Variants in VPS50 observed in about 807,000 individuals in gnomAD.
The protein encoded by VPS50 is syndetin.
Under a neutral mutation model 139.7 loss-of-function variants are expected in VPS50, and 70 were observed. That is an observed-to-expected ratio of 0.50 (90% CI 0.41 to 0.61). The LOEUF (loss-of-function observed/expected upper bound fraction) is 0.61, where lower values mean the gene tolerates loss of function less well. Among genes scored for constraint, VPS50 ranks in the 20% least tolerant of loss-of-function variants. VPS50 has a pLI of 0.00. For missense variants in VPS50, 921 were observed against 1,133.7 expected (o/e 0.81, Z 2.69); for synonymous variants, 365 against 376.7 (o/e 0.97, Z 0.36).
chr7:93,290,576 T>C (rs1038743646), intron 12 of VPS50, among the ~76,000 whole-genome samples: 17 of 152,008 alleles, frequency 1.1e-4, no homozygotes, highest in Non-Finnish European at 1.9e-4. Flanking sequence ...TCAGCACCTA[T>C]TGAGATAATC....
intron 16 of VPS50, among the ~76,000 whole-genome samples, chr7:93,298,351 C>G (rs1796872816): frequency 6.6e-6 from 1 of 152,100 alleles, no homozygotes; most frequent in Non-Finnish European, 1.5e-5. Flanking sequence ...AAAACTTAAG[C>G]CCTGACTAAA....
chr7:93,241,057 CTCTT>C (rs1465805399), intron 2 of VPS50, among the ~76,000 whole-genome samples: 10 of 152,094 alleles, frequency 6.6e-5, no homozygotes, highest in Admixed American at 6.6e-4. Flanking sequence ...GACAATAATT[CTCTT>C]TATTTCTTTG....
rs748546583 is a variant in VPS50 at position 93,349,870 on chromosome 7, T to C, written c.2305-5T>C. ...TTGTTTTCATTTTTGTGAAATTTAT[T>C]TCAGACAGTCTCAACCGCCAGTGAA... is the stretch of plus-strand genomic sequence containing the variant. On this transcript the variant is annotated splice_region_variant and splice_polypyrimidine_tract_variant and intron_variant, in intron 24 of 27. Transcript: ENST00000305866. The C allele has an allele frequency of 6.2e-7, 1 of 1,600,056 alleles. No individual in the cohort carries two copies. Among genetic ancestry groups the C allele is most frequent in the Non-Finnish European group, 8.5e-7 (1 of 1,175,128 alleles).
intron 2 of VPS50, among the ~76,000 whole-genome samples, chr7:93,252,352 TTAGG>T (rs1340539806): frequency 6.6e-6 from 1 of 151,948 alleles, no homozygotes; most frequent in Non-Finnish European, 1.5e-5. Context: ...TATGATATGT[TTAGG>T]TAGTCACTTT....
At chr7:93,315,476 T>C (rs1272155515) in intron 20 of VPS50, among the ~76,000 whole-genome samples, 1 of 152,196 alleles carries the variant, frequency 6.6e-6, no homozygotes, top group African/African-American at 2.4e-5. Context: ...ACATTCTCAA[T>C]TTACCAATGA....
chr7:93,349,897 T>C lies in VPS50; in HGVS notation c.2327T>C (p.Leu776Pro). ...YSQTVSTASE[L>P]RKPIYWIVAG... ...CAGACAGTCTCAACCGCCAGTGAAC[T>C]ACGGAAACCAATTTACTGGATTGTA... The change falls in exon 25 of 28, where the codon CTA becomes CCA. Residue 776 changes from leucine to proline, a missense_variant. Leu to Pro is a moderately conservative substitution (Grantham distance 98, BLOSUM62 -3). Around this residue, in one of 3 missense-constraint regions of VPS50, gnomAD observed 744 missense variants for 930.6 expected, o/e 0.80. Transcript: ENST00000305866. The C allele has an allele frequency of 6.2e-7, 1 of 1,613,088 alleles. No individual in the cohort carries two copies. Among genetic ancestry groups the C allele is most frequent in the South Asian group, 1.1e-5 (1 of 90,748 alleles).
intron 1 of VPS50, among the ~76,000 whole-genome samples, chr7:93,237,858 G>A (rs1794862933): frequency 6.6e-6 from 1 of 152,000 alleles, no homozygotes; most frequent in Non-Finnish European, 1.5e-5. Flanking sequence ...ATTAAGCCTG[G>A]TACCCAATAG....
chr7:93,355,917 A>G lies in VPS50; in HGVS notation c.2612A>G (p.Asn871Ser), dbSNP rs1377131967. Residue 871 changes from asparagine to serine, a missense_variant, in exon 27 of 28, where the codon AAT becomes AGT. Physicochemically the swap from Asn to Ser is conservative, Grantham distance 46. This residue lies in a region of VPS50 where 158 missense variants were observed against 156.3 expected (regional missense o/e 1.01). Coordinates refer to ENST00000305866, the MANE Select transcript of VPS50 (RefSeq NM_017667.4). ...TATGCCAATGTCAAGAAATGCAGTA[A>G]TGAGGGTCGTGCCCTGATGCAATTG... ...EGYANVKKCS[N>S]EGRALMQLDF... is the part of the protein sequence containing the mutation. The G allele has an allele frequency of 6.3e-7, 1 of 1,595,202 alleles. No homozygotes were observed. The highest frequency in any genetic ancestry group is 8.6e-7 in the Non-Finnish European group (1 of 1,166,918).
intron 20 of VPS50, among the ~76,000 whole-genome samples, chr7:93,315,111 T>G (rs1016258942): frequency 2.0e-5 from 3 of 152,196 alleles, no homozygotes; most frequent in South Asian, 4.1e-4. Flanking sequence ...CCTATTTTTT[T>G]TTGTTGTTGT....
chr7:93,257,401 A>G lies in VPS50; in HGVS notation c.359A>G (p.Glu120Gly). 1.3e-6 allele frequency: 2 copies of G among 1,590,704 alleles called. No homozygotes were observed. Among genetic ancestry groups the G allele is most frequent in the African/African-American group, 2.7e-5 (2 of 74,508 alleles). The change falls in exon 6 of 28, where the codon GAA (glutamate) becomes GGA (glycine). Residue 120 changes from glutamate (E) to glycine (G), a missense_variant. Physicochemically the swap from Glu to Gly is moderately conservative, Grantham distance 98 (BLOSUM62 -2). This residue lies in a region of VPS50 where 744 missense variants were observed against 930.6 expected (regional missense o/e 0.80). Coordinates refer to ENST00000305866, the MANE Select transcript of VPS50 (RefSeq NM_017667.4). ...EKQPAYVKELERVTSLQTGLQ... is the reference protein window; with the variant it reads ...EKQPAYVKELGRVTSLQTGLQ... ...TACCTAATCTTCCCATAGGAACTTG[A>G]AAGAGTTACCTCATTGCAGACAGGT... is the stretch of plus-strand genomic sequence containing the variant.
intron 20 of VPS50, among the ~76,000 whole-genome samples, chr7:93,318,441 A>G (rs896431567): frequency 1.3e-5 from 2 of 151,894 alleles, no homozygotes; most frequent in East Asian, 1.9e-4. Context: ...CGCCTCTTTT[A>G]TAGCTTTTCC....
intron 23 of VPS50, among the ~76,000 whole-genome samples, chr7:93,343,494 T>C (rs1445365415): frequency 6.6e-6 from 1 of 152,032 alleles, no homozygotes; most frequent in African/African-American, 2.4e-5. Context: ...GCCACAAAGA[T>C]ACTCCTCGAG....
chr7:93,257,601 A>C, intron 6 of VPS50, 137 bp downstream of exon 6: 1 of 561,296 alleles, frequency 1.8e-6, no homozygotes, highest in East Asian at 3.1e-5. Flanking sequence ...AACATATATC[A>C]TGATCTAAAG....
intron 12 of VPS50, among the ~76,000 whole-genome samples, chr7:93,279,926 A>G (rs1223720881): frequency 6.6e-6 from 1 of 152,136 alleles, no homozygotes; most frequent in Non-Finnish European, 1.5e-5. Context: ...CTTTATGCAT[A>G]GTATCATTTT....
In VPS50 at chr7:93,272,667, C is replaced by T; in HGVS notation, c.735C>T (p.Cys245=). Residue 245 remains cysteine (C), a synonymous_variant, in exon 11 of 28, where the codon TGC becomes TGT. Coordinates refer to ENST00000305866, the MANE Select transcript of VPS50 (RefSeq NM_017667.4). The stretch of plus-strand genomic sequence containing the variant: ...TGGACGTAGCTCTTTCCAAAATCTG[C>T]AAGAATTTTGACATTAACCATTATA... ...EQLDVALSKI[C]KNFDINHYTK... is the part of the protein sequence containing the mutation. 2 of 1,571,358 alleles carry T rather than the reference C, an allele frequency of 1.3e-6. No homozygotes were observed. Among genetic ancestry groups the T allele is most frequent in the Non-Finnish European group, 1.7e-6 (2 of 1,150,894 alleles).
intron 1 of VPS50, among the ~76,000 whole-genome samples, chr7:93,236,937 C>CCT (rs1794820541): frequency 3.2e-5 from 1 of 31,030 alleles, no homozygotes; most frequent in African/African-American, 1.6e-4. Flanking sequence ...TCTTTTACTT[C>CCT]TTTTTTTTTT....
intron 26 of VPS50, 85 bp downstream of exon 26, chr7:93,353,846 A>C: frequency 9.6e-7 from 1 of 1,039,576 alleles, no homozygotes; most frequent in South Asian, 1.7e-5. Context: ...GGTTGGAGAG[A>C]ATAAGTAGAA....
At chr7:93,305,124 G>A (rs910997161) in intron 17 of VPS50, among the ~76,000 whole-genome samples, 1 of 151,784 alleles carries the variant, frequency 6.6e-6, no homozygotes, top group African/African-American at 2.4e-5. Flanking sequence ...GTAATTCAAA[G>A]GAACTTTAGA....
At chr7:93,355,119 T>TAA (rs202160213) in intron 26 of VPS50, among the ~76,000 whole-genome samples, 18 of 138,076 alleles carry the variant, frequency 1.3e-4, no homozygotes, top group African/African-American at 3.6e-4. Context: ...TACTCTTTTT[T>TAA]AAAAAAAAAA....
Sources: allele counts gnomAD v4.1 joint callset (sites outside exome capture counted in the v4.1 genomes callset), GRCh38; gene constraint gnomAD v4.1.1; regional missense constraint gnomAD v4.1.1; transcripts MANE v1.5; gene names NCBI Gene and HGNC (gene_info 2026-07-23, HGNC 2026-07-21).